Variants in ANKFN1 observed in about 807,000 individuals in gnomAD.
ANKFN1 encodes the protein ankyrin repeat and fibronectin type-III domain-containing protein 1.
A neutral mutation model predicts 108.7 loss-of-function variants in ANKFN1; 74 were observed. The ratio of observed to expected loss-of-function variants is 0.68; its 90% confidence interval spans 0.56 to 0.83. The LOEUF is 0.83. ANKFN1 is among the 40% of genes least tolerant of loss of function. The pLI, the probability that ANKFN1 is intolerant of heterozygous loss-of-function variation, is 0.00. For missense variants in ANKFN1, 1,505 were observed against 1,382.3 expected (o/e 1.09, Z -1.41); for synonymous variants, 547 against 516.2 (o/e 1.06, Z -0.81).
chr17:56,316,589 TA>T (rs2045214949), intron 3 of ANKFN1, among the ~76,000 whole-genome samples: 1 of 152,122 alleles, frequency 6.6e-6, no homozygotes, highest in Non-Finnish European at 1.5e-5. Flanking sequence ...CTTGGGGGCC[TA>T]AAATTTAACT....
chr17:56,429,944 A>G (rs746818284), intron 8 of ANKFN1, among the ~76,000 whole-genome samples: 20 of 152,216 alleles, frequency 1.3e-4, no homozygotes, highest in Non-Finnish European at 2.2e-4. Flanking sequence ...GAAGTAGAGT[A>G]TATAAATGCC....
At chr17:56,153,438 G>T, upstream of ANKFN1, 1 of 1,580,370 alleles carries the variant, frequency 6.3e-7, no homozygotes, top group African/African-American at 1.3e-5. Context: ...GGACCGTGTG[G>T]ACATTCGCAA....
In ANKFN1 at chr17:56,489,476, G is replaced by A. The variant is rs80285212; in HGVS notation, c.2261-2711G>A. 6.7e-3 allele frequency among the ~76,000 whole-genome samples: 988 copies of A among 147,148 alleles called. 5 individuals carry two copies. The highest frequency in any genetic ancestry group is 0.013 in the Non-Finnish European group (840 of 67,018). The stretch of plus-strand genomic sequence containing the variant: ...AAAAAAAAAAAAAAAAAAACCACAA[G>A]AGCGGGGAAACTGAAGCGTTATAGT... On this transcript the variant is annotated intron_variant, in intron 18 of 20. Transcript: ENST00000682825.
At chr17:56,465,033 C>T (rs752252740) in intron 14 of ANKFN1, among the ~76,000 whole-genome samples, 1 of 152,204 alleles carries the variant, frequency 6.6e-6, no homozygotes, top group African/African-American at 2.4e-5. Flanking sequence ...AATCCCACTA[C>T]AGCAAGAGTA....
At chr17:56,315,525 C>A (rs1019169281) in intron 3 of ANKFN1, among the ~76,000 whole-genome samples, 1 of 152,326 alleles carries the variant, frequency 6.6e-6, no homozygotes, top group Middle Eastern at 3.4e-3. Flanking sequence ...TGAGCAAAAT[C>A]TTGTACTTTT....
chr17:56,093,848 T>C (rs567452632), intron 4 of ANKFN1, among the ~76,000 whole-genome samples: 2 of 151,546 alleles, frequency 1.3e-5, no homozygotes, highest in African/African-American at 4.8e-5. Context: ...ATAAGTTGAA[T>C]TGTGCGCCCC....
At chr17:56,153,385 A>G, upstream of ANKFN1, 2 of 1,226,634 alleles carry the variant, frequency 1.6e-6, no homozygotes, top group Non-Finnish European at 2.4e-6. Flanking sequence ...AGAGGCAGCC[A>G]TGCTCAGTCT....
At chr17:56,448,837 C>G (rs942275511) in intron 10 of ANKFN1, among the ~76,000 whole-genome samples, 1 of 152,138 alleles carries the variant, frequency 6.6e-6, no homozygotes, top group Non-Finnish European at 1.5e-5. Flanking sequence ...CTTTCAATTA[C>G]CATTTTCTCT....
At chr17:56,266,091 A>T (rs1278406732) in intron 3 of ANKFN1, among the ~76,000 whole-genome samples, 2 of 152,176 alleles carry the variant, frequency 1.3e-5, no homozygotes, top group Non-Finnish European at 2.9e-5. Flanking sequence ...GATTTTCTTG[A>T]CATTTTTCAG....
chr17:56,102,879 T>C (rs1475343345), intron 4 of ANKFN1, among the ~76,000 whole-genome samples: 1 of 152,212 alleles, frequency 6.6e-6, no homozygotes, highest in Non-Finnish European at 1.5e-5. Flanking sequence ...GTGCCCAGCC[T>C]ATCGCTAAAA....
At chr17:56,354,140 G>C (rs1020706404) in intron 6 of ANKFN1, 94 bp downstream of exon 6, 1 of 1,215,112 alleles carries the variant, frequency 8.2e-7, no homozygotes, top group Admixed American at 2.0e-5. Flanking sequence ...GAGCAGGAAT[G>C]GTTGACTAAG....
chr17:56,233,461 C>A (rs78793348), intron 3 of ANKFN1, among the ~76,000 whole-genome samples: 259 of 152,132 alleles, frequency 1.7e-3, no homozygotes, highest in Middle Eastern at 3.4e-3. Context: ...TTCTAAAGAT[C>A]TTCTTAACCC....
intron 19 of ANKFN1, among the ~76,000 whole-genome samples, chr17:56,496,052 G>T (rs542039984): frequency 6.6e-6 from 1 of 152,094 alleles, no homozygotes; most frequent in African/African-American, 2.4e-5. Context: ...AAATCAGGGG[G>T]ATTATGTTGT....
intron 10 of ANKFN1, among the ~76,000 whole-genome samples, chr17:56,444,672 AG>A (rs1354958665): frequency 6.6e-6 from 1 of 152,204 alleles, no homozygotes; most frequent in Non-Finnish European, 1.5e-5. Flanking sequence ...AATCTTCGTA[AG>A]GTACCTCTTG....
At chr17:56,296,219 A>C (rs1266683964) in intron 3 of ANKFN1, among the ~76,000 whole-genome samples, 1 of 152,196 alleles carries the variant, frequency 6.6e-6, no homozygotes, top group East Asian at 1.9e-4. Flanking sequence ...GTGAACCAGC[A>C]ACCTAAGAAA....
upstream of ANKFN1, among the ~76,000 whole-genome samples, chr17:56,149,128 C>T (rs929473690): frequency 2.0e-4 from 30 of 151,796 alleles, no homozygotes; most frequent in South Asian, 2.1e-4. Context: ...GAGGCAGTGG[C>T]GGGGTGGGTG....
At chr17:56,187,366 C>T (rs1156951548) in intron 1 of ANKFN1, among the ~76,000 whole-genome samples, 1 of 152,136 alleles carries the variant, frequency 6.6e-6, no homozygotes, top group Non-Finnish European at 1.5e-5. Context: ...CAGAGAAATG[C>T]AAATCAAAAC....
intron 3 of ANKFN1, among the ~76,000 whole-genome samples, chr17:56,255,384 C>T (rs1365630338): frequency 6.6e-6 from 1 of 152,132 alleles, no homozygotes; most frequent in Non-Finnish European, 1.5e-5. Flanking sequence ...CCCTCTCTGC[C>T]AGCACAATCC....
intron 1 of ANKFN1, among the ~76,000 whole-genome samples, chr17:56,193,230 T>C (rs1380485868): frequency 1.7e-5 from 2 of 114,508 alleles, no homozygotes; most frequent in Non-Finnish European, 3.4e-5. Context: ...GGAAGGGGAA[T>C]ATCACACTCT....
Sources: gnomAD v4.1 joint callset for allele counts (sites outside exome capture counted in the v4.1 genomes callset) on GRCh38, gnomAD v4.1.1 for gene constraint, MANE v1.5 for transcripts, NCBI Gene and HGNC (gene_info 2026-07-23, HGNC 2026-07-21) for gene names.